Variants in CNOT2 observed in about 807,000 individuals in gnomAD.
CNOT2 encodes the protein CCR4-NOT transcription complex subunit 2.
A neutral mutation model predicts 72.1 loss-of-function variants in CNOT2; 7 were observed. The observed-to-expected ratio is 0.10, with a 90% CI of 0.06 to 0.18. The LOEUF (loss-of-function observed/expected upper bound fraction) is 0.18. Ranked by LOEUF, CNOT2 falls within the 10% of genes least tolerant of loss-of-function variation. The probability of loss-of-function intolerance (pLI) is 1.00; values close to 1 mark genes in which losing one functional copy is unlikely to be tolerated. For missense variants in CNOT2, 345 were observed against 660.3 expected (o/e 0.52, Z 5.23); for synonymous variants, 196 against 225.6 (o/e 0.87, Z 1.17).
chr12:70,282,985 A>G (rs898824180), intron 2 of CNOT2, among the ~76,000 whole-genome samples: 1 of 152,248 alleles, frequency 6.6e-6, no homozygotes. Flanking sequence ...TAAAATACAA[A>G]CTACTTAATA....
At chr12:70,344,278 A>G (rs1274511934) in intron 14 of CNOT2, 50 bp downstream of exon 14, 3 of 1,155,812 alleles carry the variant, frequency 2.6e-6, no homozygotes, top group Admixed American at 1.8e-5. Flanking sequence ...GATCTTGACT[A>G]TGCTGAAAAC....
chr12:70,319,265 CT>C (rs763374615), intron 3 of CNOT2, 32 bp from the exon 4 acceptor site: 1 of 1,588,174 alleles, frequency 6.3e-7, no homozygotes, highest in South Asian at 1.1e-5. Context: ...GCTCTGTTTT[CT>C]TTATGCTCTA....
chr12:70,316,455 C>T (rs1877352799), intron 3 of CNOT2, among the ~76,000 whole-genome samples: 2 of 151,958 alleles, frequency 1.3e-5, no homozygotes, highest in African/African-American at 4.8e-5. Context: ...TGAAATATTG[C>T]CTTCAGAATT....
chr12:70,259,217 T>C (rs1341503015), intron 1 of CNOT2, among the ~76,000 whole-genome samples: 1 of 152,186 alleles, frequency 6.6e-6, no homozygotes, highest in African/African-American at 2.4e-5. Flanking sequence ...GTACTGTTCT[T>C]GTTCAAGCAT....
At chr12:70,306,941 G>T (rs897544642) in intron 2 of CNOT2, among the ~76,000 whole-genome samples, 4 of 152,216 alleles carry the variant, frequency 2.6e-5, no homozygotes, top group Non-Finnish European at 4.4e-5. Flanking sequence ...TCTGTAGGCA[G>T]TTGTAACACA....
At chr12:70,350,259 G>T (rs980711552) in intron 15 of CNOT2, among the ~76,000 whole-genome samples, 1 of 152,054 alleles carries the variant, frequency 6.6e-6, no homozygotes, top group African/African-American at 2.4e-5. Flanking sequence ...TAAAATTTAA[G>T]AATTCTTTCG....
chr12:70,313,712 A>G (rs888821770), intron 3 of CNOT2, among the ~76,000 whole-genome samples: 2 of 152,154 alleles, frequency 1.3e-5, no homozygotes, highest in Admixed American at 1.3e-4. Flanking sequence ...TATTTTGTAT[A>G]ATAGGCCTTT....
chr12:70,263,416 A>G (rs935882762), intron 1 of CNOT2, among the ~76,000 whole-genome samples: 16 of 152,026 alleles, frequency 1.1e-4, no homozygotes, highest in African/African-American at 3.9e-4. Context: ...TGAATTGCAC[A>G]ACCCTATGAA....
At chr12:70,272,759 C>G (rs1015451062) in intron 1 of CNOT2, among the ~76,000 whole-genome samples, 3 of 152,122 alleles carry the variant, frequency 2.0e-5, no homozygotes, top group African/African-American at 7.2e-5. Flanking sequence ...CCTTCACTCT[C>G]CCTTTCTTAG....
intron 9 of CNOT2, chr12:70,337,874 A>G (rs1880910822): frequency 5.0e-6 from 2 of 399,986 alleles, no homozygotes; most frequent in Non-Finnish European, 9.6e-6. Flanking sequence ...TGTTGATTCA[A>G]CCAACTCAGC....
chr12:70,315,624 G>C (rs1190446422), intron 3 of CNOT2, among the ~76,000 whole-genome samples: 2 of 152,038 alleles, frequency 1.3e-5, no homozygotes, highest in Non-Finnish European at 2.9e-5. Context: ...TTCTGTGAAG[G>C]GTTAGGGGAA....
At chr12:70,313,769 C>CA (rs1247484624) in intron 3 of CNOT2, among the ~76,000 whole-genome samples, 1 of 152,128 alleles carries the variant, frequency 6.6e-6, no homozygotes, top group Non-Finnish European at 1.5e-5. Context: ...ATGTATCTTA[C>CA]AAAAACAGGC....
intron 1 of CNOT2, among the ~76,000 whole-genome samples, chr12:70,271,671 C>T (rs562470387): frequency 5.1e-4 from 77 of 152,238 alleles, no homozygotes; most frequent in African/African-American, 1.8e-3. Context: ...CTGTGCCCGA[C>T]CAGCATTTAC....
chr12:70,244,079 G>A (rs368089101), intron 1 of CNOT2: 7 of 152,432 alleles, frequency 4.6e-5, no homozygotes, highest in African/African-American at 1.7e-4. Context: ...GGAGACACTG[G>A]ACTGGCTAAC....
chr12:70,353,937 A>AT lies in CNOT2; in HGVS notation c.*22_*23insT. 2.5e-6 allele frequency: 4 copies of AT among 1,573,454 alleles called. No individual in the cohort carries two copies. The highest frequency in any genetic ancestry group is 2.3e-5 in the East Asian group (1 of 44,186). ...CTAAAAAAAAAAAAAAAAAAAAAAAAAGACTTCCCTTTTCTTGGGGTATGG... is the reference window on the plus strand; with the variant it reads ...CTAAAAAAAAAAAAAAAAAAAAAAAATAGACTTCCCTTTTCTTGGGGTATGG... On this transcript the variant is annotated 3_prime_UTR_variant, in exon 16 of 16. Coordinates refer to ENST00000229195, the MANE Select transcript of CNOT2 (RefSeq NM_014515.7).
At chr12:70,249,211 C>A (rs1593020166) in intron 1 of CNOT2, among the ~76,000 whole-genome samples, 2 of 151,954 alleles carry the variant, frequency 1.3e-5, no homozygotes, top group East Asian at 3.9e-4. Context: ...GCCTATCCTG[C>A]ATACAAATTT....
At chr12:70,285,337 G>A (rs1357181941) in intron 2 of CNOT2, 1 of 151,610 alleles carries the variant, frequency 6.6e-6, no homozygotes, top group Non-Finnish European at 1.5e-5. Context: ...AGCCTCCTGA[G>A]TAGCTGGGAC....
intron 1 of CNOT2, among the ~76,000 whole-genome samples, chr12:70,268,861 G>A (rs1329068499): frequency 1.3e-5 from 2 of 152,090 alleles, no homozygotes; most frequent in Non-Finnish European, 2.9e-5. Context: ...ATTTTTAATG[G>A]CATTTGGAAT....
intron 3 of CNOT2, among the ~76,000 whole-genome samples, chr12:70,315,785 A>C (rs1877227466): frequency 6.6e-6 from 1 of 152,168 alleles, no homozygotes; most frequent in African/African-American, 2.4e-5. Context: ...TGTTTTCAGC[A>C]TTCTATTAAT....
Sources: allele counts gnomAD v4.1 joint callset (sites outside exome capture counted in the v4.1 genomes callset), GRCh38; gene constraint gnomAD v4.1.1; transcripts MANE v1.5; gene names NCBI Gene and HGNC (gene_info 2026-07-23, HGNC 2026-07-21).